Variants in CDKN3 observed in about 807,000 individuals in gnomAD.
CDKN3 encodes the protein cyclin-dependent kinase inhibitor 3.
Under a neutral mutation model 36.1 loss-of-function variants are expected in CDKN3, and 19 were observed. The observed-to-expected ratio is 0.53, with a 90% CI of 0.37 to 0.77. The LOEUF (loss-of-function observed/expected upper bound fraction) is 0.77. CDKN3 is among the 30% of genes least tolerant of loss of function. The pLI is 0.00. For missense variants in CDKN3, 188 were observed against 248.6 expected (o/e 0.76, Z 1.64); for synonymous variants, 71 against 85.3 (o/e 0.83, Z 0.92).
At chr14:54,416,736 G>A (rs998533587) in intron 6 of CDKN3, among the ~76,000 whole-genome samples, 2 of 152,088 alleles carry the variant, frequency 1.3e-5, no homozygotes, top group Non-Finnish European at 2.9e-5. Flanking sequence ...GACTGCCTGG[G>A]CCCAGGAGGT....
At chr14:54,397,440 C>T (rs1594596114) in intron 1 of CDKN3, among the ~76,000 whole-genome samples, 1 of 152,368 alleles carries the variant, frequency 6.6e-6, no homozygotes, top group East Asian at 1.9e-4. Context: ...GCGCGATACC[C>T]CAGCCCCGAA....
At chr14:54,397,153 C>T in intron 1 of CDKN3, 76 bp downstream of exon 1, 5 of 1,388,206 alleles carry the variant, frequency 3.6e-6, no homozygotes, top group Middle Eastern at 2.1e-4. Flanking sequence ...GATCCTGGGC[C>T]GGAGGGCAGC....
chr14:54,411,596 C>G lies in CDKN3; in HGVS notation c.306C>G (p.Ile102Met), dbSNP rs2030355450. ...ATCTCTACCAGCAATGTGGAATTAT[C>G]ACCCATCATCATCCAATCGCAGATG... is the stretch of plus-strand genomic sequence containing the variant. ...LLDLYQQCGI[I>M]THHHPIADGG... Residue 102 changes from isoleucine (I) to methionine (M), a missense_variant, in exon 5 of 8, where the codon ATC becomes ATG. Ile to Met is a conservative substitution (Grantham distance 10, BLOSUM62 1). Transcript: ENST00000335183. 1 of 1,613,874 alleles carries G rather than the reference C, an allele frequency of 6.2e-7. No homozygotes were observed. Among genetic ancestry groups the G allele is most frequent in the Non-Finnish European group, 8.5e-7 (1 of 1,179,764 alleles).
chr14:54,410,974 T>C (rs1013054440), intron 4 of CDKN3, among the ~76,000 whole-genome samples: 2 of 151,188 alleles, frequency 1.3e-5, no homozygotes, highest in Non-Finnish European at 2.9e-5. Flanking sequence ...AGGTCGGGAG[T>C]TCAAGACCAG....
chr14:54,401,407 C>T (rs2029935246), intron 2 of CDKN3, 117 bp from the exon 3 acceptor site: 1 of 613,842 alleles, frequency 1.6e-6, no homozygotes, highest in Non-Finnish European at 2.9e-6. Context: ...TTTGTGACTA[C>T]TGTAAAACTT....
chr14:54,419,886 T>C (rs758444989), intron 7 of CDKN3, 106 bp from the exon 8 acceptor site: 2 of 636,934 alleles, frequency 3.1e-6, no homozygotes, highest in Non-Finnish European at 5.6e-6. Flanking sequence ...GATGTAGAAT[T>C]GTGCTTAGCA....
At chr14:54,409,904 A>T (rs2030293027) in intron 4 of CDKN3, among the ~76,000 whole-genome samples, 1 of 152,010 alleles carries the variant, frequency 6.6e-6, no homozygotes, top group African/African-American at 2.4e-5. Context: ...AAAAAAAAAA[A>T]AGTATTCCTT....
intron 5 of CDKN3, chr14:54,412,779 C>T (rs373366638): frequency 2.3e-6 from 1 of 435,662 alleles, no homozygotes; most frequent in Admixed American, 2.4e-5. Context: ...GGAAACTGGA[C>T]TTTGCCGTGC....
intron 3 of CDKN3, among the ~76,000 whole-genome samples, chr14:54,403,760 A>G (rs1238478504): frequency 1.3e-5 from 2 of 152,182 alleles, no homozygotes. Flanking sequence ...GGGGTGTTGA[A>G]TTTTATCAAA....
chr14:54,413,149 C>T (rs1369476122), intron 5 of CDKN3, among the ~76,000 whole-genome samples: 1 of 152,196 alleles, frequency 6.6e-6, no homozygotes, highest in African/African-American at 2.4e-5. Flanking sequence ...AGAAGCCATT[C>T]TACATCCTAT....
At chr14:54,403,954 G>C (rs191934050) in intron 3 of CDKN3, among the ~76,000 whole-genome samples, 1 of 152,280 alleles carries the variant, frequency 6.6e-6, no homozygotes, top group Non-Finnish European at 1.5e-5. Flanking sequence ...TTTTACTGAG[G>C]ATTTTCGCAT....
intron 5 of CDKN3, among the ~76,000 whole-genome samples, chr14:54,415,006 A>T (rs745740402): frequency 2.6e-5 from 4 of 152,162 alleles, no homozygotes; most frequent in Non-Finnish European, 4.4e-5. Context: ...TACCTACAAT[A>T]CAATACAATA....
chr14:54,418,623 C>T (rs757301715), intron 7 of CDKN3, among the ~76,000 whole-genome samples: 43 of 152,158 alleles, frequency 2.8e-4, no homozygotes, highest in Non-Finnish European at 1.0e-4. Flanking sequence ...CATTAGAATC[C>T]GCTCATCAGA....
At chr14:54,418,186 A>T (rs1356964582) in intron 7 of CDKN3, 3 of 702,800 alleles carry the variant, frequency 4.3e-6, no homozygotes, top group Non-Finnish European at 7.8e-6. Flanking sequence ...GATAATGAAA[A>T]TTTGAACTTC....
At chr14:54,418,846 C>T (rs994085611) in intron 7 of CDKN3, among the ~76,000 whole-genome samples, 7 of 149,382 alleles carry the variant, frequency 4.7e-5, no homozygotes, top group African/African-American at 9.7e-5. Flanking sequence ...CTGAAACAGA[C>T]AACTCTCTTT....
Position 54,408,888 on chromosome 14 carries a change from A to G in CDKN3, c.193+99A>G, listed in dbSNP as rs548717149. On this transcript the variant is annotated intron_variant, in intron 4 of 7. Coordinates refer to ENST00000335183, the MANE Select transcript of CDKN3 (RefSeq NM_005192.4). ...GAACAAATCAGTTTTTTTTTAATAT[A>G]AAAATAAGTTTTCAATATTGTGTGA... 2.8e-6 allele frequency: 4 copies of G among 1,426,544 alleles called. No individual in the cohort carries two copies. The African/African-American group carries it at 4.4e-5, about 16-fold the overall frequency. 88.4% of individuals were successfully genotyped at this position (1,426,544 alleles called of 1,614,324 possible). A position where few individuals can be genotyped will look rare whatever the true frequency, so the allele number is the denominator to read the frequency against.
chr14:54,413,699 C>G, intron 5 of CDKN3: 1 of 1,534,366 alleles, frequency 6.5e-7, no homozygotes, highest in Non-Finnish European at 8.7e-7. Flanking sequence ...AGAGCTTATC[C>G]TTCAGCAACA....
Position 54,417,861 on chromosome 14 carries a change from C to T in CDKN3, c.462C>T (p.Leu154=). The change falls in exon 7 of 8, where the codon CTC becomes CTT. Residue 154 remains leucine, a synonymous_variant. Coordinates refer to ENST00000335183, the MANE Select transcript of CDKN3 (RefSeq NM_005192.4). ...LGRSCLVAAC[L]LLYLSDTISP... ...ATGTTCCATTAGTAGCTGCTTGTCT[C>T]CTACTATACCTGTCTGACACAATAT... 3.1e-6 allele frequency: 5 copies of T among 1,587,536 alleles called. No individual in the cohort carries two copies. The highest frequency in any genetic ancestry group is 4.3e-6 in the Non-Finnish European group (5 of 1,163,934).
Position 54,408,804 on chromosome 14 carries a change from A to G in CDKN3, c.193+15A>G. On this transcript the variant is annotated intron_variant, in intron 4 of 7. Transcript: ENST00000335183. ...AAAAGATACAGGTAGGTATAATATCACGCAACCACACTCATGGGTTTTTTA... is the reference window on the plus strand; with the variant it reads ...AAAAGATACAGGTAGGTATAATATCGCGCAACCACACTCATGGGTTTTTTA... The G allele has an allele frequency of 6.4e-7, 1 of 1,551,914 alleles. No homozygotes were observed. The highest frequency in any genetic ancestry group is 8.6e-7 in the Non-Finnish European group (1 of 1,157,240).
Sources: gnomAD v4.1 joint callset for allele counts (sites outside exome capture counted in the v4.1 genomes callset) on GRCh38, gnomAD v4.1.1 for gene constraint, MANE v1.5 for transcripts, NCBI Gene and HGNC (gene_info 2026-07-23, HGNC 2026-07-21) for gene names.